F2R: variants seen among roughly 807,000 people sequenced by gnomAD.
The protein encoded by F2R is coagulation factor II thrombin receptor.
Under a neutral mutation model 18.3 loss-of-function variants are expected in F2R, and 12 were observed. The observed-to-expected ratio is 0.66, with a 90% CI of 0.42 to 1.06. The LOEUF is 1.06. Among genes scored for constraint, F2R ranks in the 50% least tolerant of loss-of-function variants. F2R has a pLI of 0.00. For missense variants in F2R, 438 were observed against 530.8 expected, an observed-to-expected ratio of 0.83 and a Z score of 1.72; for synonymous variants, 210 against 219.9, an observed-to-expected ratio of 0.95 and a Z score of 0.40.
At position 76,732,810 on chromosome 5, in the gene F2R, C is replaced by A; in HGVS notation, c.585C>A (p.Val195=). ...NMYASILLMT[V]ISIDRFLAVV... ...ACGCCTCTATCTTGCTCATGACAGTCATAAGCATTGACCGGTTTCTGGCTG... is the reference window on the plus strand; with the variant it reads ...ACGCCTCTATCTTGCTCATGACAGTAATAAGCATTGACCGGTTTCTGGCTG... The change falls in exon 2 of 2, where the codon GTC becomes GTA. Residue 195 remains valine, a synonymous_variant. Transcript: ENST00000319211. 1 of 1,614,222 alleles carries A rather than the reference C, an allele frequency of 6.2e-7. No homozygotes were observed. Among genetic ancestry groups the A allele is most frequent in the Non-Finnish European group, 8.5e-7 (1 of 1,180,052 alleles).
chr5:76,725,361 G>A lies in F2R; in HGVS notation c.89-6953G>A, dbSNP rs552233382. ...AAGAGCCTAAATTAAGTGAAACTTA[G>A]CAAATCGTATGAGAACTGAATTCAG... On this transcript the variant is annotated intron_variant, in intron 1 of 1. Transcript: ENST00000319211. Among the ~76,000 whole-genome samples the A allele has an allele frequency of 2.8e-3, 424 of 152,242 alleles. 1 individual carries two copies. Among genetic ancestry groups the A allele is most frequent in the Non-Finnish European group, 4.3e-3 (290 of 68,010 alleles).
At position 76,732,840 on chromosome 5, in the gene F2R, G is replaced by A; in HGVS notation, c.615G>A (p.Val205=). 6.2e-7 allele frequency: 1 copy of A among 1,614,180 alleles called. No individual in the cohort carries two copies. The change falls in exon 2 of 2, where the codon GTG becomes GTA. Residue 205 remains valine (V), a synonymous_variant. Transcript: ENST00000319211. Reference sequence around the variant, plus strand: ...GCATTGACCGGTTTCTGGCTGTGGTGTATCCCATGCAGTCCCTCTCCTGGC... The same window carrying A: ...GCATTGACCGGTTTCTGGCTGTGGTATATCCCATGCAGTCCCTCTCCTGGC... The part of the protein sequence containing the change: ...VISIDRFLAV[V]YPMQSLSWRT...
intron 1 of F2R, among the ~76,000 whole-genome samples, chr5:76,717,351 A>C (rs1748365294): frequency 1.3e-5 from 2 of 152,238 alleles, no homozygotes; most frequent in South Asian, 4.1e-4. Flanking sequence ...GAATTTCCTA[A>C]TAACAATAGT....
Position 76,721,582 on chromosome 5 carries a change from A to C in F2R, c.88+5187A>C, listed in dbSNP as rs369732486. Among the ~76,000 whole-genome samples the C allele has an allele frequency of 7.2e-5, 11 of 152,376 alleles. No individual in the cohort carries two copies. In the South Asian group the frequency reaches 2.1e-3, roughly 29 times the overall value. On this transcript the variant is annotated intron_variant, in intron 1 of 1. Coordinates refer to ENST00000319211, the MANE Select transcript of F2R (RefSeq NM_001992.5). ...GGAAAAGACATTATGTAATCTATTT[A>C]TATTTCAAGTCTATGATGAATTAAA...
In F2R at chr5:76,732,420, G is replaced by A. The variant is rs116853936; in HGVS notation, c.195G>A (p.Gly65=). The part of the protein sequence containing the change: ...FWEDEEKNES[G]LTEYRLVSIN... ...AGGATGAGGAGAAAAATGAAAGTGG[G>A]TTAACTGAATACAGATTAGTCTCCA... is the stretch of plus-strand genomic sequence containing the variant. Residue 65 remains glycine, a synonymous_variant, in exon 2 of 2, where the codon GGG becomes GGA. Coordinates refer to ENST00000319211, the MANE Select transcript of F2R (RefSeq NM_001992.5). The A allele has an allele frequency of 7.4e-6, 12 of 1,613,996 alleles. No individual in the cohort carries two copies. The highest frequency in any genetic ancestry group is 1.6e-4 in the Middle Eastern group (1 of 6,084).
intron 1 of F2R, among the ~76,000 whole-genome samples, chr5:76,721,116 T>C (rs1410353317): frequency 6.6e-6 from 1 of 152,144 alleles, no homozygotes; most frequent in Non-Finnish European, 1.5e-5. Flanking sequence ...CTTTAACTAG[T>C]TTTCGTGAGC....
chr5:76,727,557 TC>T (rs1396561690), intron 1 of F2R, among the ~76,000 whole-genome samples: 1 of 152,154 alleles, frequency 6.6e-6, no homozygotes, highest in Non-Finnish European at 1.5e-5. Flanking sequence ...GGAGACCCTC[TC>T]CCAACTTTGC....
rs1748627735 is a variant in F2R, at chr5:76,729,273, T to C, written c.89-3041T>C. The stretch of plus-strand genomic sequence containing the variant: ...CCTGATTAGTGATGTTGAGCATTTT[T>C]TCATATACTTGTTGGCCATTTGTAT... On this transcript the variant is annotated intron_variant, in intron 1 of 1. Transcript: ENST00000319211. Among the ~76,000 whole-genome samples the C allele has an allele frequency of 2.0e-5, 3 of 152,248 alleles. No homozygotes were observed. The South Asian group carries it at 6.2e-4, about 31-fold the overall frequency.
At chr5:76,727,398 G>A (rs1748582489) in intron 1 of F2R, among the ~76,000 whole-genome samples, 1 of 152,204 alleles carries the variant, frequency 6.6e-6, no homozygotes, top group African/African-American at 2.4e-5. Flanking sequence ...CACATGCAGG[G>A]CACAGGGTAC....
At chr5:76,727,371 T>G in intron 1 of F2R, among the ~76,000 whole-genome samples, 1 of 152,218 alleles carries the variant, frequency 6.6e-6, no homozygotes, top group East Asian at 1.9e-4. Context: ...AATATTAGAA[T>G]ACAAATATGT....
intron 1 of F2R, among the ~76,000 whole-genome samples, chr5:76,725,554 G>A (rs1580891443): frequency 6.6e-6 from 1 of 152,288 alleles, no homozygotes; most frequent in East Asian, 1.9e-4. Context: ...TAAGGGTCTT[G>A]AGCTAGTTGG....
At chr5:76,717,511 A>G (rs764663171) in intron 1 of F2R, among the ~76,000 whole-genome samples, 7 of 152,176 alleles carry the variant, frequency 4.6e-5, no homozygotes, top group Non-Finnish European at 8.8e-5. Context: ...AAGACATAGC[A>G]TGTTCTCGCC....
intron 1 of F2R, 90 bp from the exon 2 acceptor site, chr5:76,732,220 TAAAC>T (rs1338703256): frequency 3.0e-6 from 3 of 990,520 alleles, no homozygotes; most frequent in Admixed American, 2.9e-5. Flanking sequence ...TAAGAAAACA[TAAAC>T]AAAAGTAAAA....
intron 1 of F2R, among the ~76,000 whole-genome samples, chr5:76,723,164 C>T (rs1748498231): frequency 6.6e-6 from 1 of 152,158 alleles, no homozygotes; most frequent in Non-Finnish European, 1.5e-5. Flanking sequence ...GTCAGTAGGA[C>T]TCCAGAATTC....
At chr5:76,722,796 C>CA (rs1748489279) in intron 1 of F2R, among the ~76,000 whole-genome samples, 1 of 151,968 alleles carries the variant, frequency 6.6e-6, no homozygotes, top group African/African-American at 2.4e-5. Context: ...ACTAAAAATA[C>CA]AAAAATTAGC....
At chr5:76,723,716 C>G (rs891300501) in intron 1 of F2R, among the ~76,000 whole-genome samples, 57 of 152,098 alleles carry the variant, frequency 3.7e-4, no homozygotes, top group African/African-American at 1.3e-3. Context: ...AAGAAAAAAG[C>G]AAAAACCCTT....
In F2R at chr5:76,733,376, G is replaced by C. The variant is rs1748718333; in HGVS notation, c.1151G>C (p.Ser384Thr). 1 of 1,614,166 alleles carries C rather than the reference G, an allele frequency of 6.2e-7. No individual in the cohort carries two copies. Among genetic ancestry groups the C allele is most frequent in the Admixed American group, 1.7e-5 (1 of 60,012 alleles). The change falls in exon 2 of 2, where the codon AGT (serine) becomes ACT (threonine). Residue 384 changes from serine (S) to threonine (T), a missense_variant. Physicochemically the swap from Ser to Thr is moderately conservative, Grantham distance 58. Transcript: ENST00000319211. The part of the protein sequence containing the change: ...ASSECQRYVY[S>T]ILCCKESSDP... Reference sequence around the variant, plus strand: ...TCTGAGTGCCAGAGGTACGTCTACAGTATCTTATGCTGCAAAGAAAGTTCC... The same window carrying C: ...TCTGAGTGCCAGAGGTACGTCTACACTATCTTATGCTGCAAAGAAAGTTCC...
intron 1 of F2R, among the ~76,000 whole-genome samples, chr5:76,727,763 CT>C (rs201845492): frequency 2.4e-3 from 289 of 122,766 alleles, no homozygotes; most frequent in South Asian, 3.2e-3. Context: ...AAATATTTTT[CT>C]TTTTTTTTTT....
rs1436114109 is a variant in F2R, at chr5:76,732,901, A to G, written c.676A>G (p.Ile226Val). The stretch of plus-strand genomic sequence containing the variant: ...AAGGGCTTCCTTCACTTGTCTGGCC[A>G]TCTGGGCTTTGGCCATCGCAGGGGT... ...LGRASFTCLA[I>V]WALAIAGVVP... The change falls in exon 2 of 2, where the codon ATC becomes GTC. Residue 226 changes from isoleucine (I) to valine (V), a missense_variant. Transcript: ENST00000319211. The G allele has an allele frequency of 6.2e-7, 1 of 1,614,128 alleles. No homozygotes were observed. The highest frequency in any genetic ancestry group is 8.5e-7 in the Non-Finnish European group (1 of 1,180,030).
Sources: allele counts gnomAD v4.1 joint callset (sites outside exome capture counted in the v4.1 genomes callset), GRCh38; gene constraint gnomAD v4.1.1; transcripts MANE v1.5; gene names NCBI Gene and HGNC (gene_info 2026-07-23, HGNC 2026-07-21).